Variants in SYT1 observed in about 807,000 individuals in gnomAD.
SYT1 encodes the protein synaptotagmin-1.
In SYT1, 8 loss-of-function variants were observed where a neutral mutation model predicts 44.8. The ratio of observed to expected loss-of-function variants is 0.18; its 90% CI spans 0.10 to 0.32. SYT1 has a LOEUF of 0.32. Ranked by LOEUF, SYT1 falls within the 10% of genes least tolerant of loss-of-function variation. The pLI is 1.00. For missense variants in SYT1, 286 were observed against 509.3 expected (o/e 0.56, Z 4.22); for synonymous variants, 154 against 188.8 (o/e 0.82, Z 1.51).
At chr12:79,210,757 G>C (rs993922716) in intron 3 of SYT1, among the ~76,000 whole-genome samples, 1 of 152,084 alleles carries the variant, frequency 6.6e-6, no homozygotes. Context: ...CCTCTGGAAA[G>C]GTACCCAGTA....
intron 2 of SYT1, among the ~76,000 whole-genome samples, chr12:78,993,643 T>C (rs1870169264): frequency 6.6e-6 from 1 of 152,228 alleles, no homozygotes; most frequent in African/African-American, 2.4e-5. Context: ...ATTAAAATTT[T>C]AAAAGGCAAA....
intron 1 of SYT1, among the ~76,000 whole-genome samples, chr12:78,967,966 G>A (rs941446650): frequency 3.3e-5 from 5 of 152,050 alleles, no homozygotes; most frequent in Admixed American, 6.6e-5. Context: ...AGAGGAGTTC[G>A]GAATTGAGAA....
At chr12:78,902,509 A>T (rs1875721473) in intron 1 of SYT1, among the ~76,000 whole-genome samples, 1 of 152,072 alleles carries the variant, frequency 6.6e-6, no homozygotes, top group Non-Finnish European at 1.5e-5. Flanking sequence ...GGTAATATAA[A>T]CTGAAAATAT....
At chr12:78,973,507 A>C (rs116539798) in intron 1 of SYT1, among the ~76,000 whole-genome samples, 2,015 of 152,256 alleles carry the variant, frequency 0.013, 50 homozygotes, top group African/African-American at 0.046. Flanking sequence ...CTGGGTATAT[A>C]TCCAAAGGAA....
At chr12:79,399,065 C>A (rs1172531871) in intron 9 of SYT1, among the ~76,000 whole-genome samples, 1 of 152,180 alleles carries the variant, frequency 6.6e-6, no homozygotes, top group Non-Finnish European at 1.5e-5. Flanking sequence ...AACATTAATA[C>A]ATAGTCCAGT....
chr12:78,963,483 A>G (rs1315397202), intron 1 of SYT1, among the ~76,000 whole-genome samples: 2 of 152,134 alleles, frequency 1.3e-5, no homozygotes, highest in South Asian at 2.1e-4. Context: ...CACACTGACA[A>G]CCCAATTTAA....
At chr12:79,040,241 A>G (rs1249285252) in intron 2 of SYT1, among the ~76,000 whole-genome samples, 9 of 150,702 alleles carry the variant, frequency 6.0e-5, no homozygotes, top group African/African-American at 2.2e-4. Context: ...TCCCACCAAC[A>G]GTGTAAAAGT....
intron 3 of SYT1, among the ~76,000 whole-genome samples, chr12:79,185,428 A>G (rs1315301081): frequency 6.6e-6 from 1 of 151,998 alleles, no homozygotes; most frequent in Non-Finnish European, 1.5e-5. Flanking sequence ...CAGAACAACT[A>G]TTCCACCTTT....
chr12:79,114,123 G>A (rs954588797), intron 3 of SYT1, among the ~76,000 whole-genome samples: 5 of 152,162 alleles, frequency 3.3e-5, no homozygotes, highest in African/African-American at 1.2e-4. Context: ...ACCTTGGGTT[G>A]TGGGAACTGC....
At chr12:79,276,682 A>AC (rs1878747017) in intron 4 of SYT1, among the ~76,000 whole-genome samples, 1 of 151,560 alleles carries the variant, frequency 6.6e-6, no homozygotes, top group African/African-American at 2.4e-5. Context: ...CAAAAAAAAA[A>AC]AAACAAAAAA....
At chr12:78,935,727 C>A (rs1878016683) in intron 1 of SYT1, among the ~76,000 whole-genome samples, 1 of 151,880 alleles carries the variant, frequency 6.6e-6, no homozygotes, top group Non-Finnish European at 1.5e-5. Context: ...ATGAAAGGCT[C>A]TTAGATAGCA....
chr12:79,065,425 G>T (rs1380573436), intron 3 of SYT1, among the ~76,000 whole-genome samples: 1 of 152,016 alleles, frequency 6.6e-6, no homozygotes, highest in African/African-American at 2.4e-5. Context: ...GAGGAGAGGG[G>T]CACAAAGGTG....
At chr12:79,391,580 G>T (rs937297558) in intron 9 of SYT1, among the ~76,000 whole-genome samples, 29 of 152,192 alleles carry the variant, frequency 1.9e-4, no homozygotes, top group Non-Finnish European at 3.7e-4. Context: ...AAGAGCTAAA[G>T]TGGCCCATTT....
chr12:79,148,508 T>G (rs1336195287), intron 3 of SYT1, among the ~76,000 whole-genome samples: 2 of 152,132 alleles, frequency 1.3e-5, no homozygotes, highest in African/African-American at 4.8e-5. Flanking sequence ...ATTAGACACA[T>G]GCTTCACGGT....
intron 4 of SYT1, among the ~76,000 whole-genome samples, chr12:79,241,647 T>C (rs994307735): frequency 1.3e-5 from 2 of 152,180 alleles, no homozygotes; most frequent in African/African-American, 4.8e-5. Context: ...ATAATTGGTG[T>C]TGGTGAAAAC....
At chr12:78,883,972 TTAAATAAAAATAATTTTC>T (rs986208272) in intron 1 of SYT1, among the ~76,000 whole-genome samples, 1 of 151,520 alleles carries the variant, frequency 6.6e-6, no homozygotes, top group Non-Finnish European at 1.5e-5. Flanking sequence ...AGCTTGTTTT[TTAAATAAAAATAATTTTC>T]TAAATAAAAA....
chr12:79,139,191 T>G (rs937421353), intron 3 of SYT1, among the ~76,000 whole-genome samples: 2 of 152,086 alleles, frequency 1.3e-5, no homozygotes, highest in Non-Finnish European at 2.9e-5. Context: ...TATTCTCGGT[T>G]TGAGGTTGAA....
At chr12:78,987,037 A>G (rs958549617) in intron 2 of SYT1, among the ~76,000 whole-genome samples, 1 of 152,164 alleles carries the variant, frequency 6.6e-6, no homozygotes, top group Non-Finnish European at 1.5e-5. Flanking sequence ...CTTATATCTG[A>G]ATGAATATTG....
At chr12:79,325,965 C>T (rs143527568) in intron 8 of SYT1, among the ~76,000 whole-genome samples, 35 of 152,240 alleles carry the variant, frequency 2.3e-4, no homozygotes, top group African/African-American at 7.7e-4. Flanking sequence ...CATTCTGTAA[C>T]TTTAATTTCC....
Sources: allele counts gnomAD v4.1 joint callset (sites outside exome capture counted in the v4.1 genomes callset), GRCh38; gene constraint gnomAD v4.1.1; transcripts MANE v1.5; gene names NCBI Gene and HGNC (gene_info 2026-07-23, HGNC 2026-07-21).